EPS8L1: variants seen among roughly 807,000 people sequenced by gnomAD.
EPS8L1 encodes the protein EPS8 signaling adaptor L1.
In EPS8L1, 101 loss-of-function variants were observed where a neutral mutation model predicts 91.7. The observed-to-expected ratio is 1.10, with a 90% CI of 0.94 to 1.30. The LOEUF is 1.30. Ranked by LOEUF, EPS8L1 falls within the 50% of genes most tolerant of loss-of-function variation. The pLI is 0.00. For synonymous variants in EPS8L1, 506 were observed against 445.3 expected, an observed-to-expected ratio of 1.14 and a Z score of -1.72; for missense variants, 1,114 against 1,017.0, an observed-to-expected ratio of 1.10 and a Z score of -1.30.
chr19:55,083,394 G>A lies in EPS8L1; in HGVS notation c.1231G>A (p.Glu411Lys), dbSNP rs2076311411. The A allele has an allele frequency of 6.2e-7, 1 of 1,613,004 alleles. No individual in the cohort carries two copies. Among genetic ancestry groups the A allele is most frequent in the Admixed American group, 1.7e-5 (1 of 60,010 alleles). ...TGGCCGCAGGCTGGAGCTGTCCCCG[G>A]AGGAGGGACCCCCATACAGACCCGA... ...WTRPGLELSP[E>K]EGPPYRPEFF... Residue 411 changes from glutamate (E) to lysine (K), a missense_variant, in exon 13 of 20, where the codon GAG becomes AAG. Transcript: ENST00000201647. This position sits in a 1 kb window ranked among gnomAD's most constrained non-coding sequence, Gnocchi z 4.7.
rs1249279444 is a variant in EPS8L1, at chr19:55,087,810, G to A, written c.*196G>A. On this transcript the variant is annotated 3_prime_UTR_variant, in exon 20 of 20. Coordinates refer to ENST00000201647, the MANE Select transcript of EPS8L1 (RefSeq NM_133180.3). ...AGAGGATCTGGACTGGCTGGGAGTG[G>A]GGAGGGCGTGGAGACAGTCTACGGA... The A allele has an allele frequency of 1.6e-6, 1 of 629,368 alleles. No homozygotes were observed. Among genetic ancestry groups the A allele is most frequent in the African/African-American group, 1.8e-5 (1 of 54,652 alleles). 39.0% of individuals were successfully genotyped at this position (629,368 alleles called of 1,614,324 possible). A position where few individuals can be genotyped will look rare whatever the true frequency, so the allele number is the denominator to read the frequency against.
intron 2 of EPS8L1, among the ~76,000 whole-genome samples, 190 bp downstream of exon 2, chr19:55,076,651 C>T (rs1457276718): frequency 6.6e-6 from 1 of 152,206 alleles, no homozygotes; most frequent in African/African-American, 2.4e-5. Flanking sequence ...GCCCCCACTG[C>T]AGAGCAGACA....
At chr19:55,077,072 G>T (rs560143918) in intron 2 of EPS8L1, among the ~76,000 whole-genome samples, 222 of 152,246 alleles carry the variant, frequency 1.5e-3, no homozygotes, top group African/African-American at 5.2e-3. Flanking sequence ...TGGGAAAAAG[G>T]GTTTTTCAGT....
At chr19:55,085,093 A>G (rs1488221855) in intron 14 of EPS8L1, among the ~76,000 whole-genome samples, 1 of 152,218 alleles carries the variant, frequency 6.6e-6, no homozygotes, top group Non-Finnish European at 1.5e-5. Context: ...TGGTTCTACC[A>G]ACCGTTGTCA....
chr19:55,087,146 T>C (rs2076361534), intron 18 of EPS8L1, 157 bp from the exon 19 acceptor site: 4 of 1,204,514 alleles, frequency 3.3e-6, no homozygotes, highest in Admixed American at 5.8e-5. Context: ...GGTGGCAACA[T>C]TGTGATTGGT....
rs1432770813 is a variant in EPS8L1, at chr19:55,083,789, G to C, written c.1385+145G>C. ...CAGGTGGGTGAGATGGTGATGGGGC[G>C]GGCCGGGGCTGGGAGAGAGGGAGGA... On this transcript the variant is annotated intron_variant, in intron 14 of 19. Coordinates refer to ENST00000201647, the MANE Select transcript of EPS8L1 (RefSeq NM_133180.3). This position sits in a 1 kb window ranked among gnomAD's most constrained non-coding sequence, Gnocchi z 4.7. 2 of 1,058,816 alleles carry C rather than the reference G, an allele frequency of 1.9e-6. No homozygotes were observed. The highest frequency in any genetic ancestry group is 2.8e-6 in the Non-Finnish European group (2 of 709,258). 65.6% of individuals were successfully genotyped at this position (1,058,816 alleles called of 1,614,324 possible). A position where few individuals can be genotyped will look rare whatever the true frequency, so the allele number is the denominator to read the frequency against.
rs1342413310 is a variant in EPS8L1, at chr19:55,081,899, G to A, written c.901G>A (p.Glu301Lys). 5 of 1,606,924 alleles carry A rather than the reference G, an allele frequency of 3.1e-6. No homozygotes were observed. The Middle Eastern group carries it at 5.0e-4, about 160-fold the overall frequency. Residue 301 changes from glutamate (E) to lysine (K), a missense_variant and splice_region_variant, in exon 9 of 20, where the codon GAG becomes AAG. Transcript: ENST00000201647. This position sits in a 1 kb window ranked among gnomAD's most constrained non-coding sequence, Gnocchi z 4.9. ...CAGGAGCCGGCGCCGGGCGGCTGGG[G>A]GTAAGGGGCACCCTGGCGTGGGATC... is the stretch of plus-strand genomic sequence containing the variant. Reference protein sequence around the residue: ...GRRSRRRAAGEGLLTLRAKPP... With the variant: ...GRRSRRRAAGKGLLTLRAKPP...
At position 55,079,025 on chromosome 19, in the gene EPS8L1, G is replaced by A; in HGVS notation, c.85G>A (p.Val29Ile). 6.2e-7 allele frequency: 1 copy of A among 1,614,046 alleles called. No homozygotes were observed. The highest frequency in any genetic ancestry group is 1.1e-5 in the South Asian group (1 of 91,088). The change falls in exon 4 of 20, where the codon GTT (valine) becomes ATT (isoleucine). Residue 29 changes from valine (V) to isoleucine (I), a missense_variant. By Grantham distance (29) the Val-to-Ile change is conservative. Transcript: ENST00000201647. ...YEQRKRYSTV[V>I]MADVSQYPVN... Reference sequence around the variant, plus strand: ...GCAGAGGAAGCGTTACTCCACAGTTGTTATGGCTGATGTATCCCAGTACCC... The same window carrying A: ...GCAGAGGAAGCGTTACTCCACAGTTATTATGGCTGATGTATCCCAGTACCC...
At chr19:55,078,020 C>T in intron 2 of EPS8L1, 68 bp from the exon 3 acceptor site, 1 of 1,496,330 alleles carries the variant, frequency 6.7e-7, no homozygotes. Flanking sequence ...CCTTGCTGCC[C>T]TGCTTGGCAT....
chr19:55,083,960 G>T lies in EPS8L1; in HGVS notation c.1385+316G>T. 1.7e-6 allele frequency: 1 copy of T among 590,588 alleles called. No individual in the cohort carries two copies. The highest frequency in any genetic ancestry group is 3.0e-6 in the Non-Finnish European group (1 of 331,628). The allele number at this position is 590,588 out of a possible 1,614,324, so 36.6% of individuals were successfully genotyped here. On this transcript the variant is annotated intron_variant, in intron 14 of 19. Coordinates refer to ENST00000201647, the MANE Select transcript of EPS8L1 (RefSeq NM_133180.3). The surrounding 1 kb of genome is among the most constrained non-coding windows in gnomAD (Gnocchi z 4.7). ...TCCCTGGATCCCCAAAAGGCTGGAA[G>T]AAGCCAGTTTGTTTTCCCAGGGCCT...
In EPS8L1 at chr19:55,081,767, C is replaced by A; in HGVS notation, c.775-6C>A. ...GCCCTGAGCGTCCCCCTCCTCTGTC[C>A]CCTAGGACATCCTGAACCACGTGTT... On this transcript the variant is annotated splice_polypyrimidine_tract_variant and splice_region_variant and intron_variant, in intron 8 of 19. Coordinates refer to ENST00000201647, the MANE Select transcript of EPS8L1 (RefSeq NM_133180.3). This position sits in a 1 kb window ranked among gnomAD's most constrained non-coding sequence, Gnocchi z 4.9. 1 of 1,608,078 alleles carries A rather than the reference C, an allele frequency of 6.2e-7. No homozygotes were observed. The highest frequency in any genetic ancestry group is 1.7e-5 in the Admixed American group (1 of 59,360).
intron 2 of EPS8L1, among the ~76,000 whole-genome samples, chr19:55,077,794 G>A (rs1056562587): frequency 4.0e-5 from 6 of 150,922 alleles, no homozygotes; most frequent in South Asian, 4.2e-4. Context: ...TCACCATGTT[G>A]GCCAAGATGG....
Position 55,081,687 on chromosome 19 carries a change from A to C in EPS8L1, c.775-86A>C, listed in dbSNP as rs1458827795. 2.0e-6 allele frequency: 3 copies of C among 1,517,442 alleles called. No homozygotes were observed. The highest frequency in any genetic ancestry group is 1.8e-6 in the Non-Finnish European group (2 of 1,131,714). The allele number at this position is 1,517,442 out of a possible 1,614,324, so 94.0% of individuals were successfully genotyped here. A position where few individuals can be genotyped will look rare whatever the true frequency, so the allele number is the denominator to read the frequency against. ...TTTGGGGCGTGGCCTGATCTGGGGA[A>C]GTGTATAGGTGCTCAGGTTCAGGGC... On this transcript the variant is annotated intron_variant, in intron 8 of 19. Coordinates refer to ENST00000201647, the MANE Select transcript of EPS8L1 (RefSeq NM_133180.3). This position sits in a 1 kb window ranked among gnomAD's most constrained non-coding sequence, Gnocchi z 4.9.
In EPS8L1 at chr19:55,085,322, C is replaced by T. The variant is rs528792050; in HGVS notation, c.1386-519C>T. The stretch of plus-strand genomic sequence containing the variant: ...CTGGGACTACAGGCGCGTGCCACCA[C>T]GCCCAGCTAATTTGGGTATTTTTTA... On this transcript the variant is annotated intron_variant, in intron 14 of 19. Coordinates refer to ENST00000201647, the MANE Select transcript of EPS8L1 (RefSeq NM_133180.3). Among the ~76,000 whole-genome samples the T allele has an allele frequency of 7.2e-5, 11 of 152,304 alleles. No homozygotes were observed. The East Asian group carries it at 9.7e-4, about 13-fold the overall frequency.
chr19:55,086,970 GC>G, intron 18 of EPS8L1, 82 bp downstream of exon 18: 2 of 1,394,150 alleles, frequency 1.4e-6, no homozygotes, highest in African/African-American at 1.5e-5. Context: ...GAGTCGGGGG[GC>G]GGCAGTCGTG....
intron 2 of EPS8L1, 73 bp downstream of exon 2, chr19:55,076,534 G>A (rs2076138757): frequency 7.2e-6 from 11 of 1,531,470 alleles, no homozygotes; most frequent in Admixed American, 5.3e-5. Context: ...ACCCACACCC[G>A]CTTGCGGCAG....
chr19:55,080,704 CA>C, intron 6 of EPS8L1, 67 bp from the exon 7 acceptor site: 1 of 1,581,216 alleles, frequency 6.3e-7, no homozygotes, highest in Non-Finnish European at 8.6e-7. Flanking sequence ...AAAAATCGGC[CA>C]GGGGCGAGGC....
In EPS8L1 at chr19:55,081,154, T is replaced by C. The variant is rs2076248771; in HGVS notation, c.513-77T>C. The C allele has an allele frequency of 4.2e-6, 6 of 1,432,316 alleles. No individual in the cohort carries two copies. The highest frequency in any genetic ancestry group is 5.5e-6 in the Non-Finnish European group (6 of 1,095,866). 88.7% of individuals were successfully genotyped at this position (1,432,316 alleles called of 1,614,324 possible). A position where few individuals can be genotyped will look rare whatever the true frequency, so the allele number is the denominator to read the frequency against. ...TTTGAGCCTTTTGAGCCTGTGTGTC[T>C]CGTTCTGCGCCCTGGATTTCCCCCT... On this transcript the variant is annotated intron_variant, in intron 7 of 19. Coordinates refer to ENST00000201647, the MANE Select transcript of EPS8L1 (RefSeq NM_133180.3). This position sits in a 1 kb window ranked among gnomAD's most constrained non-coding sequence, Gnocchi z 4.9.
chr19:55,087,390 G>T lies in EPS8L1; in HGVS notation c.2040G>T (p.Gly680=), dbSNP rs184296169. 6.2e-7 allele frequency: 1 copy of T among 1,613,422 alleles called. No individual in the cohort carries two copies. The highest frequency in any genetic ancestry group is 2.2e-5 in the East Asian group (1 of 44,862). The change falls in exon 19 of 20, where the codon GGG becomes GGT. Residue 680 remains glycine (G), a synonymous_variant. Coordinates refer to ENST00000201647, the MANE Select transcript of EPS8L1 (RefSeq NM_133180.3). ...TGCGGGCGGTGAGCCCCGAGGAGGG[G>T]GCACGTGTGTACAGCCAGGTCACCG... ...EELRAVSPEE[G]ARVYSQVTVQ...
Sources: gnomAD v4.1 joint callset for allele counts (sites outside exome capture counted in the v4.1 genomes callset) on GRCh38, gnomAD v4.1.1 for gene constraint, Gnocchi (gnomAD v3.1) non-coding constraint, MANE v1.5 for transcripts, NCBI Gene and HGNC (gene_info 2026-07-23, HGNC 2026-07-21) for gene names.